ADGRL1: variants seen among roughly 807,000 people sequenced by gnomAD.
The protein encoded by ADGRL1 is adhesion G protein-coupled receptor L1, also known as CIRL-1.
ADGRL1 carries 31 observed loss-of-function variants against 148.9 expected under a neutral mutation model. That is an observed-to-expected ratio of 0.21 (90% CI 0.16 to 0.28). The LOEUF is 0.28. Among genes scored for constraint, ADGRL1 ranks in the 10% least tolerant of loss-of-function variants. The pLI is 1.00. For synonymous variants in ADGRL1, 937 were observed against 900.3 expected (o/e 1.04, Z -0.73); for missense variants, 1,521 against 2,058.8 (o/e 0.74, Z 5.05).
chr19:14,202,391 T>A (rs1230680285), intron 1 of ADGRL1, among the ~76,000 whole-genome samples: 1 of 152,052 alleles, frequency 6.6e-6, no homozygotes, highest in Non-Finnish European at 1.5e-5. Context: ...TAGCTGGGAC[T>A]ACAGGTGCAC....
At position 14,161,364 on chromosome 19, in the gene ADGRL1, C is replaced by T. The variant is rs200524754; in HGVS notation, c.1458G>A (p.Pro486=). ...EPREVRRVQW[P]ATQQGMLVER... is the part of the protein sequence containing the mutation. The stretch of plus-strand genomic sequence containing the variant: ...CCACCAGCATGCCCTGCTGGGTGGC[C>T]GGCCACTGGACCCGCCGTACCTCTC... Residue 486 remains proline (P), a synonymous_variant, in exon 6 of 23, where the codon CCG becomes CCA. Coordinates refer to ENST00000361434, the MANE Select transcript of ADGRL1 (RefSeq NM_014921.5). The surrounding 1 kb of genome is among the most constrained non-coding windows in gnomAD (Gnocchi z 4.4). The T allele has an allele frequency of 3.1e-4, 487 of 1,580,290 alleles. No homozygotes were observed. Among genetic ancestry groups the T allele is most frequent in the African/African-American group, 9.6e-4 (71 of 73,938 alleles).
At position 14,155,931 on chromosome 19, in the gene ADGRL1, C is replaced by G; in HGVS notation, c.3125+179G>C. 1 of 618,662 alleles carries G rather than the reference C, an allele frequency of 1.6e-6. No homozygotes were observed. Among genetic ancestry groups the G allele is most frequent in the Non-Finnish European group, 2.9e-6 (1 of 342,106 alleles). The allele number at this position is 618,662 out of a possible 1,614,324, so 38.3% of individuals were successfully genotyped here. On this transcript the variant is annotated intron_variant, in intron 17 of 22. Transcript: ENST00000361434. The surrounding 1 kb of genome is among the most constrained non-coding windows in gnomAD (Gnocchi z 5.0). Reference sequence around the variant, plus strand: ...GTTGGACGTGCTAATGATACGCTATCTAAGACCCATTAAGTAGGTACATAG... The same window carrying G: ...GTTGGACGTGCTAATGATACGCTATGTAAGACCCATTAAGTAGGTACATAG...
At position 14,151,128 on chromosome 19, in the gene ADGRL1, G is replaced by A. The variant is rs774560487; in HGVS notation, c.4155C>T (p.Asn1385=). 4 of 1,585,168 alleles carry A rather than the reference G, an allele frequency of 2.5e-6. No individual in the cohort carries two copies. Among genetic ancestry groups the A allele is most frequent in the East Asian group, 4.6e-5 (2 of 43,950 alleles). The change falls in exon 23 of 23, where the codon AAC becomes AAT. Residue 1385 remains asparagine, a synonymous_variant. Coordinates refer to ENST00000361434, the MANE Select transcript of ADGRL1 (RefSeq NM_014921.5). ...GRDSLYASGA[N]LRDSPSYPDS... is the part of the protein sequence containing the mutation. ...CCGGGTAGGAGGGTGAGTCCCGCAG[G>A]TTGGCCCCGCTGGCATAGAGGGAGT...
chr19:14,164,813 T>C (rs1206915115), intron 4 of ADGRL1: 3 of 151,802 alleles, frequency 2.0e-5, no homozygotes, highest in African/African-American at 7.3e-5. Flanking sequence ...CCTTGACTGA[T>C]CCGGGGGTCA....
At chr19:14,158,201 G>C in intron 12 of ADGRL1, 137 bp downstream of exon 12, 1 of 1,220,790 alleles carries the variant, frequency 8.2e-7, no homozygotes, top group Non-Finnish European at 1.2e-6. Context: ...AGAGCTCTGG[G>C]GACAAATGGC....
rs776587952 is a variant in ADGRL1 at position 14,152,803 on chromosome 19, C to T, written c.3404G>A (p.Arg1135His). 1.9e-6 allele frequency: 3 copies of T among 1,613,902 alleles called. No homozygotes were observed. The highest frequency in any genetic ancestry group is 1.7e-5 in the Admixed American group (1 of 59,998). The stretch of plus-strand genomic sequence containing the variant: ...CGATACCTGGGTCCCTGTGTAGTAG[C>T]GGGTGTTGCTTCGCATGGCTGAGGT... ...LKTSAMRSNT[R>H]YYTGTQSRIR... Residue 1135 changes from arginine (R) to histidine (H), a missense_variant, in exon 19 of 23, where the codon CGC becomes CAC. Arg to His is a conservative substitution (Grantham distance 29). Transcript: ENST00000361434. This position sits in a 1 kb window ranked among gnomAD's most constrained non-coding sequence, Gnocchi z 6.1.
At position 14,151,042 on chromosome 19, in the gene ADGRL1, G is replaced by A. The variant is rs1198730985; in HGVS notation, c.4241C>T (p.Pro1414Leu). 1 of 1,509,624 alleles carries A rather than the reference G, an allele frequency of 6.6e-7. No individual in the cohort carries two copies. The highest frequency in any genetic ancestry group is 2.2e-5 in the Admixed American group (1 of 46,340). 93.5% of individuals were successfully genotyped at this position (1,509,624 alleles called of 1,614,324 possible). The change falls in exon 23 of 23, where the codon CCC (proline) becomes CTC (leucine). Residue 1414 changes from proline to leucine, a missense_variant. Around this residue, in one of 8 missense-constraint regions of ADGRL1, gnomAD observed 390 missense variants for 375.0 expected, o/e 1.04. Transcript: ENST00000361434. ...GCGCGAGGTGTAGTAGATTTCGGGG[G>A]GGCCGGGGGGTGCGGGAGGGGGTGG... ...LPPPPPAPPGPPEIYYTSRPP... is the reference protein window; with the variant it reads ...LPPPPPAPPGLPEIYYTSRPP...
intron 3 of ADGRL1, among the ~76,000 whole-genome samples, chr19:14,171,632 A>T (rs1190843841): frequency 6.6e-6 from 1 of 152,256 alleles, no homozygotes; most frequent in Non-Finnish European, 1.5e-5. Context: ...TTCAGTGTCC[A>T]GCTGTGTCCA....
At chr19:14,179,310 C>T (rs1006576860) in intron 2 of ADGRL1, among the ~76,000 whole-genome samples, 7 of 151,684 alleles carry the variant, frequency 4.6e-5, no homozygotes, top group African/African-American at 1.2e-4. Context: ...CTGGCTAAAA[C>T]GGTGAAACCC....
intron 4 of ADGRL1, 29 bp downstream of exon 4, chr19:14,170,653 G>T: frequency 7.3e-7 from 1 of 1,374,928 alleles, no homozygotes. Flanking sequence ...AGAAGGGCCC[G>T]CATCCGCACA....
rs1389799841 is a variant in ADGRL1 at position 14,156,566 on chromosome 19, T to TGTGTGG, written c.3033+91_3033+92insCCACAC. 75 of 507,940 alleles carry TGTGTGG rather than the reference T, an allele frequency of 1.5e-4. No homozygotes were observed. The African/African-American group carries it at 3.1e-3, about 21-fold the overall frequency. The allele number at this position is 507,940 out of a possible 1,614,324, so 31.5% of individuals were successfully genotyped here. ...GAGAGAGAGAGAGTGTGTGTGTGTGTGGGGGGGGTGGGGGGCGGGGGCAGG... is the reference window on the plus strand; with the variant it reads ...GAGAGAGAGAGAGTGTGTGTGTGTGTGTGTGGGGGGGGGGTGGGGGGCGGGGGCAGG... On this transcript the variant is annotated intron_variant, in intron 16 of 22. Coordinates refer to ENST00000361434, the MANE Select transcript of ADGRL1 (RefSeq NM_014921.5).
chr19:14,165,817 C>T (rs1193765575), intron 4 of ADGRL1, among the ~76,000 whole-genome samples: 1 of 152,072 alleles, frequency 6.6e-6, no homozygotes, highest in Non-Finnish European at 1.5e-5. Context: ...CCTGCCCCAC[C>T]TCCTTCGGAA....
intron 3 of ADGRL1, among the ~76,000 whole-genome samples, chr19:14,176,565 G>T (rs533458479): frequency 6.6e-6 from 1 of 152,024 alleles, no homozygotes; most frequent in Admixed American, 6.6e-5. Flanking sequence ...GGGTGGGTGC[G>T]GTGGCTCATG....
chr19:14,159,393 G>C lies in ADGRL1; in HGVS notation c.2023+8C>G. ...TCTGAGTTTGCCCTGGGTGACTGTGGCACTCACCCACGTTCTCCTTGGCAG... is the reference window on the plus strand; with the variant it reads ...TCTGAGTTTGCCCTGGGTGACTGTGCCACTCACCCACGTTCTCCTTGGCAG... On this transcript the variant is annotated splice_region_variant and intron_variant, in intron 10 of 22. Coordinates refer to ENST00000361434, the MANE Select transcript of ADGRL1 (RefSeq NM_014921.5). This position sits in a 1 kb window ranked among gnomAD's most constrained non-coding sequence, Gnocchi z 6.0. 1.2e-6 allele frequency: 2 copies of C among 1,602,518 alleles called. No individual in the cohort carries two copies. Among genetic ancestry groups the C allele is most frequent in the Non-Finnish European group, 1.7e-6 (2 of 1,172,604 alleles).
chr19:14,197,468 C>T (rs1200065161), intron 1 of ADGRL1, among the ~76,000 whole-genome samples: 1 of 152,104 alleles, frequency 6.6e-6, no homozygotes, highest in Non-Finnish European at 1.5e-5. Flanking sequence ...CAATTACACC[C>T]CTCCCTGCCT....
In ADGRL1 at chr19:14,163,130, C is replaced by T. The variant is rs1251422301; in HGVS notation, c.671G>A (p.Arg224His). ...GTCATACTTGACGATGTTGCGCGTG[C>T]GCTCCTTGTTGTAGAAGACGGCACC... ...YDGAVFYNKE[R>H]TRNIVKYDLR... is the part of the protein sequence containing the mutation. The change falls in exon 5 of 23, where the codon CGC (arginine) becomes CAC (histidine). Residue 224 changes from arginine to histidine, a missense_variant. Transcript: ENST00000361434. 2.5e-6 allele frequency: 4 copies of T among 1,613,900 alleles called. No homozygotes were observed. The highest frequency in any genetic ancestry group is 1.1e-5 in the South Asian group (1 of 91,094).
chr19:14,158,407 T>G lies in ADGRL1; in HGVS notation c.2295A>C (p.Ala765=), dbSNP rs1375231029. 1 of 1,613,736 alleles carries G rather than the reference T, an allele frequency of 6.2e-7. No individual in the cohort carries two copies. Among genetic ancestry groups the G allele is most frequent in the East Asian group, 2.2e-5 (1 of 44,882 alleles). ...SLVVNSQVIA[A]SINKESSRVF... is the part of the protein sequence containing the mutation. Reference sequence around the variant, plus strand: ...CGCGGCTGGACTCCTTGTTGATGGATGCTGCGATGACCTGTGAGTTCACCA... The same window carrying G: ...CGCGGCTGGACTCCTTGTTGATGGAGGCTGCGATGACCTGTGAGTTCACCA... Residue 765 remains alanine, a synonymous_variant, in exon 12 of 23, where the codon GCA becomes GCC. Coordinates refer to ENST00000361434, the MANE Select transcript of ADGRL1 (RefSeq NM_014921.5).
Position 14,157,499 on chromosome 19 carries a change from TTTTGCACGCTGGGC to T in ADGRL1, c.2536-53_2536-40del. On this transcript the variant is annotated intron_variant, in intron 13 of 22. Coordinates refer to ENST00000361434, the MANE Select transcript of ADGRL1 (RefSeq NM_014921.5). The surrounding 1 kb of genome is among the most constrained non-coding windows in gnomAD (Gnocchi z 7.5). ...CAGGGGGCACGCTCAGGGCCTTTGG[TTTTGCACGCTGGGC>T]TCAGCCAGGTGCCAGCCACAGACAG... 1 of 1,595,944 alleles carries T rather than the reference TTTTGCACGCTGGGC, an allele frequency of 6.3e-7. No individual in the cohort carries two copies. Among genetic ancestry groups the T allele is most frequent in the Non-Finnish European group, 8.6e-7 (1 of 1,164,980 alleles).
At chr19:14,205,241 C>A (rs1972908980) in intron 1 of ADGRL1, among the ~76,000 whole-genome samples, 1 of 152,014 alleles carries the variant, frequency 6.6e-6, no homozygotes, top group South Asian at 2.1e-4. Context: ...CAATCCAATG[C>A]GCACCTGGGG....
Sources: allele counts gnomAD v4.1 joint callset (sites outside exome capture counted in the v4.1 genomes callset), GRCh38; gene constraint gnomAD v4.1.1; regional missense constraint gnomAD v4.1.1; non-coding constraint Gnocchi (gnomAD v3.1); transcripts MANE v1.5; gene names NCBI Gene and HGNC (gene_info 2026-07-23, HGNC 2026-07-21).